The following SNTG2 variants were observed in gnomAD, a reference collection of about 807,000 sequenced individuals.
SNTG2 encodes the protein gamma-2-syntrophin.
In SNTG2, 74 loss-of-function variants were observed where a neutral mutation model predicts 70.9. The ratio of observed to expected loss-of-function variants is 1.04; its 90% confidence interval spans 0.86 to 1.27. The LOEUF is 1.27. Ranked by LOEUF, SNTG2 falls within the 50% of genes most tolerant of loss-of-function variation. SNTG2 has a pLI of 0.00. For missense variants in SNTG2, 717 were observed against 690.7 expected (o/e 1.04, Z -0.43); for synonymous variants, 278 against 273.8 (o/e 1.02, Z -0.15).
At chr2:1,220,069 G>A (rs1038376976) in intron 9 of SNTG2, 15 of 152,364 alleles carry the variant, frequency 9.8e-5, no homozygotes, top group African/African-American at 3.6e-4. Flanking sequence ...AGAATCCTGT[G>A]GTGAGTTTTC....
chr2:1,073,155 A>G (rs1036129361), intron 1 of SNTG2, among the ~76,000 whole-genome samples: 12 of 152,250 alleles, frequency 7.9e-5, no homozygotes, highest in Admixed American at 3.3e-4. Flanking sequence ...TTGATGACAC[A>G]GTGGCAGGGT....
intron 16 of SNTG2, among the ~76,000 whole-genome samples, chr2:1,350,859 G>A (rs1280919751): frequency 6.6e-6 from 1 of 152,056 alleles, no homozygotes; most frequent in African/African-American, 2.4e-5. Context: ...TGAGTGAATA[G>A]GGACATGATT....
intron 12 of SNTG2, among the ~76,000 whole-genome samples, chr2:1,255,009 G>A (rs1344825116): frequency 6.6e-6 from 1 of 152,128 alleles, no homozygotes. Context: ...CACGCTGCAT[G>A]GGCCCCTCTT....
chr2:1,193,765 T>A (rs894780896), intron 8 of SNTG2, among the ~76,000 whole-genome samples: 1 of 152,360 alleles, frequency 6.6e-6, no homozygotes, highest in South Asian at 2.1e-4. Flanking sequence ...ATTCACCATC[T>A]ACTGCATGTT....
At chr2:1,075,633 G>A (rs1398394175) in intron 1 of SNTG2, among the ~76,000 whole-genome samples, 1 of 151,910 alleles carries the variant, frequency 6.6e-6, no homozygotes, top group East Asian at 1.9e-4. Context: ...GAATTGTTTT[G>A]GTTTATATCT....
chr2:1,140,111 A>G (rs1032170063), intron 6 of SNTG2, among the ~76,000 whole-genome samples: 1 of 152,224 alleles, frequency 6.6e-6, no homozygotes, highest in Non-Finnish European at 1.5e-5. Flanking sequence ...TCTGGCTTCA[A>G]TTAATTCTAA....
chr2:1,302,600 C>T (rs1371373002), intron 14 of SNTG2, among the ~76,000 whole-genome samples: 1 of 137,696 alleles, frequency 7.3e-6, no homozygotes, highest in East Asian at 2.2e-4. Context: ...AAAGAGAAAT[C>T]AAAGACAGGA....
intron 8 of SNTG2, among the ~76,000 whole-genome samples, chr2:1,178,786 A>C (rs567165399): frequency 3.3e-5 from 5 of 151,348 alleles, no homozygotes; most frequent in African/African-American, 7.2e-5. Flanking sequence ...TGTCTCTGCC[A>C]GGCTTTGGTA....
intron 14 of SNTG2, among the ~76,000 whole-genome samples, chr2:1,293,948 C>A (rs1483980889): frequency 6.6e-6 from 1 of 152,186 alleles, no homozygotes; most frequent in African/African-American, 2.4e-5. Context: ...AGCCTGTGGA[C>A]TAAGAACATT....
At chr2:1,172,294 C>T (rs1479055110) in intron 7 of SNTG2, among the ~76,000 whole-genome samples, 1 of 152,166 alleles carries the variant, frequency 6.6e-6, no homozygotes, top group Non-Finnish European at 1.5e-5. Flanking sequence ...GGTCTCTGTT[C>T]CACCTGGCTG....
chr2:1,308,751 C>T (rs1022643560), intron 15 of SNTG2, among the ~76,000 whole-genome samples, 165 bp downstream of exon 15: 10 of 152,074 alleles, frequency 6.6e-5, no homozygotes, highest in African/African-American at 2.4e-4. Flanking sequence ...TAGCTCAGGG[C>T]CCCAGGATCG....
At chr2:1,025,839 T>TG (rs1204720278) in intron 1 of SNTG2, among the ~76,000 whole-genome samples, 4 of 152,194 alleles carry the variant, frequency 2.6e-5, no homozygotes, top group South Asian at 2.1e-4. Flanking sequence ...GATATTTTTG[T>TG]GGGGGCCTTT....
chr2:1,162,710 C>A (rs557070206), intron 6 of SNTG2, among the ~76,000 whole-genome samples: 1 of 152,130 alleles, frequency 6.6e-6, no homozygotes, highest in African/African-American at 2.4e-5. Flanking sequence ...AGGAGAGCCT[C>A]GGTTCTACTT....
intron 11 of SNTG2, among the ~76,000 whole-genome samples, chr2:1,240,739 CCT>C (rs1337442141): frequency 6.6e-6 from 1 of 152,130 alleles, no homozygotes; most frequent in African/African-American, 2.4e-5. Flanking sequence ...TTAAATTAAA[CCT>C]CTCTAGTCAA....
intron 4 of SNTG2, among the ~76,000 whole-genome samples, chr2:1,132,756 T>C (rs1668109913): frequency 6.6e-6 from 1 of 152,288 alleles, no homozygotes; most frequent in South Asian, 2.1e-4. Flanking sequence ...TGAGTGTACA[T>C]GATACGATCC....
intron 16 of SNTG2, among the ~76,000 whole-genome samples, chr2:1,341,864 G>C (rs1348001327): frequency 6.6e-5 from 4 of 60,420 alleles, no homozygotes; most frequent in African/African-American, 2.0e-4. Flanking sequence ...TTTTTTTTTT[G>C]AGATAGGGTC....
chr2:1,073,595 G>C (rs1663721594), intron 1 of SNTG2, among the ~76,000 whole-genome samples: 1 of 152,164 alleles, frequency 6.6e-6, no homozygotes, highest in African/African-American at 2.4e-5. Context: ...ACTTGATTAG[G>C]GTGGTCTAGA....
chr2:1,207,326 C>T (rs1168490303), intron 8 of SNTG2, among the ~76,000 whole-genome samples: 1 of 152,158 alleles, frequency 6.6e-6, no homozygotes, highest in African/African-American at 2.4e-5. Context: ...CCAATATTGC[C>T]ACTTTTGCTA....
intron 1 of SNTG2, among the ~76,000 whole-genome samples, chr2:1,045,567 A>G (rs999580851): frequency 5.3e-5 from 8 of 151,970 alleles, no homozygotes; most frequent in African/African-American, 1.9e-4. Context: ...CCCTGATTCT[A>G]GTATGTTATA....
Sources: allele counts gnomAD v4.1 joint callset (sites outside exome capture counted in the v4.1 genomes callset), GRCh38; gene constraint gnomAD v4.1.1; transcripts MANE v1.5; gene names NCBI Gene and HGNC (gene_info 2026-07-23, HGNC 2026-07-21).